Variants in RAB37 observed in about 807,000 individuals in gnomAD.
RAB37 encodes RAB37, member RAS oncogene family, also known as ras-related protein Rab-37.
In RAB37, 29 loss-of-function variants were observed where a neutral mutation model predicts 33.1. That is an observed-to-expected ratio of 0.88 (90% confidence interval 0.65 to 1.20). The LOEUF is 1.20. Among genes scored for constraint, RAB37 ranks in the 50% most tolerant of loss-of-function variants. The pLI, the probability that RAB37 is intolerant of heterozygous loss-of-function variation, is 0.00. For synonymous variants in RAB37, 128 were observed against 119.5 expected (o/e 1.07, Z -0.47); for missense variants, 299 against 301.1 (o/e 0.99, Z 0.05).
chr17:74,734,864 A>G (rs2034442549), upstream of RAB37, among the ~76,000 whole-genome samples: 2 of 151,296 alleles, frequency 1.3e-5, no homozygotes, highest in African/African-American at 2.4e-5. Flanking sequence ...AAAAAGAAAG[A>G]AAGAAAGAGA....
At chr17:74,682,334 C>G (rs916079920) in intron 1 of RAB37, among the ~76,000 whole-genome samples, 2 of 152,120 alleles carry the variant, frequency 1.3e-5, no homozygotes, top group Admixed American at 1.3e-4. Context: ...CTGTCTCTCT[C>G]TCTCTCTCAT....
At chr17:74,741,260 G>C (rs947051973) in intron 2 of RAB37, among the ~76,000 whole-genome samples, 20 of 152,102 alleles carry the variant, frequency 1.3e-4, no homozygotes. Flanking sequence ...TCTTTCTGGA[G>C]TTCCCAGAAA....
At chr17:74,743,882 T>C (rs1280457191) in intron 5 of RAB37, among the ~76,000 whole-genome samples, 1 of 152,176 alleles carries the variant, frequency 6.6e-6, no homozygotes, top group Non-Finnish European at 1.5e-5. Context: ...AACGTTTATA[T>C]AGAAAGAGGA....
intron 1 of RAB37, among the ~76,000 whole-genome samples, chr17:74,705,683 C>T (rs545805711): frequency 6.6e-6 from 1 of 152,226 alleles, no homozygotes; most frequent in Non-Finnish European, 1.5e-5. Context: ...AAGCCTTCAC[C>T]TCCCAGGCTT....
intron 2 of RAB37, among the ~76,000 whole-genome samples, chr17:74,731,144 C>A (rs1055390056): frequency 6.6e-6 from 1 of 152,238 alleles, no homozygotes; most frequent in Non-Finnish European, 1.5e-5. Context: ...ACATCGGGGT[C>A]TCCTCCAGAT....
chr17:74,745,488 G>A lies in RAB37; in HGVS notation c.*77G>A. ...CCCTCCCAGGCCTGGCTTATTCCAA[G>A]AGGCTGAGCCAATGGGGAGAAAGAT... On this transcript the variant is annotated 3_prime_UTR_variant, in exon 9 of 9. Coordinates refer to ENST00000392613, the MANE Select transcript of RAB37 (RefSeq NM_001006638.3). The surrounding 1 kb of genome is among the most constrained non-coding windows in gnomAD (Gnocchi z 4.5). 3.3e-6 allele frequency: 4 copies of A among 1,222,902 alleles called. No homozygotes were observed. Among genetic ancestry groups the A allele is most frequent in the Middle Eastern group, 1.9e-4 (1 of 5,238 alleles). 75.8% of individuals were successfully genotyped at this position (1,222,902 alleles called of 1,614,324 possible).
Position 74,743,204 on chromosome 17 carries a change from C to G in RAB37, c.313+9C>G. The stretch of plus-strand genomic sequence containing the variant: ...TTACAGAGATGCTCAGGGTGAGTCC[C>G]TCGCACCCTCCAACCCCTACCCCAG... On this transcript the variant is annotated intron_variant, in intron 4 of 8. Coordinates refer to ENST00000392613, the MANE Select transcript of RAB37 (RefSeq NM_001006638.3). 2.5e-6 allele frequency: 4 copies of G among 1,613,744 alleles called. No individual in the cohort carries two copies. The highest frequency in any genetic ancestry group is 2.5e-6 in the Non-Finnish European group (3 of 1,179,740).
intron 1 of RAB37, among the ~76,000 whole-genome samples, chr17:74,724,640 T>C (rs1307796742): frequency 6.6e-6 from 1 of 152,080 alleles, no homozygotes; most frequent in Non-Finnish European, 1.5e-5. Flanking sequence ...TTCTTACAGG[T>C]TTGGGGATAG....
chr17:74,684,956 A>G (rs1378020908), intron 1 of RAB37, among the ~76,000 whole-genome samples: 1 of 152,204 alleles, frequency 6.6e-6, no homozygotes, highest in African/African-American at 2.4e-5. Flanking sequence ...TTTAATCACT[A>G]CATAGAATTC....
chr17:74,713,173 C>G (rs1487783731), intron 1 of RAB37, among the ~76,000 whole-genome samples: 1 of 151,908 alleles, frequency 6.6e-6, no homozygotes, highest in African/African-American at 2.4e-5. Context: ...GGCGTGGTGG[C>G]GCACACCTGT....
chr17:74,722,565 A>G (rs2034256490), intron 1 of RAB37, among the ~76,000 whole-genome samples: 1 of 152,358 alleles, frequency 6.6e-6, no homozygotes, highest in African/African-American at 2.4e-5. Context: ...CCTTCACAGC[A>G]ACATCTAGAT....
rs989643556 is a variant in RAB37, at chr17:74,676,823, T to C, written c.72+5165T>C. The stretch of plus-strand genomic sequence containing the variant: ...AAGAAAAGGTCATGTCTGACTGAAT[T>C]TGAAATGTCCTCTCTCACTTATGGC... On this transcript the variant is annotated intron_variant, in intron 1 of 7. Transcript: ENST00000340415. This position sits in a 1 kb window ranked among gnomAD's most constrained non-coding sequence, Gnocchi z 4.1. Among the ~76,000 whole-genome samples, 4 of 152,100 alleles carry C rather than the reference T, an allele frequency of 2.6e-5. No homozygotes were observed. The highest frequency in any genetic ancestry group is 9.7e-5 in the African/African-American group (4 of 41,416).
rs1390733589 is a variant in RAB37, at chr17:74,676,886, C to T, written c.72+5228C>T. 6.6e-6 allele frequency among the ~76,000 whole-genome samples: 1 copy of T among 152,180 alleles called. No homozygotes were observed. The highest frequency in any genetic ancestry group is 6.5e-5 in the Admixed American group (1 of 15,278). On this transcript the variant is annotated intron_variant, in intron 1 of 7. Coordinates refer to the RAB37 transcript ENST00000340415. The surrounding 1 kb of genome is among the most constrained non-coding windows in gnomAD (Gnocchi z 4.1). ...TTAACCTCCAGGCTTGGCACGGTGG[C>T]TCACACCTGTAATCCCAGCACTTTG... is the stretch of plus-strand genomic sequence containing the variant.
rs569794763 is a variant in RAB37 at position 74,680,584 on chromosome 17, A to G, written c.72+8926A>G. ...ACTATAGGCACAGCCTCAATCTACGACCCCACTGGCCCCTTCTACCCTTAG... is the reference window on the plus strand; with the variant it reads ...ACTATAGGCACAGCCTCAATCTACGGCCCCACTGGCCCCTTCTACCCTTAG... On this transcript the variant is annotated intron_variant, in intron 1 of 7. Transcript: ENST00000340415. 1.9e-4 allele frequency among the ~76,000 whole-genome samples: 29 copies of G among 151,574 alleles called. No homozygotes were observed. In the East Asian group the frequency reaches 5.6e-3, roughly 29 times the overall value.
At chr17:74,674,831 T>G (rs2031788525) in intron 1 of RAB37, among the ~76,000 whole-genome samples, 1 of 152,072 alleles carries the variant, frequency 6.6e-6, no homozygotes, top group African/African-American at 2.4e-5. Context: ...CCTCCCACAT[T>G]CCACTTGCCA....
Position 74,745,591 on chromosome 17 carries a change from A to G in RAB37, c.*180A>G. ...ACTTGAGTTCCTGCGGTCTCCCCGC[A>G]TCCACAGGGAGGGTAAAACACTTAG... On this transcript the variant is annotated 3_prime_UTR_variant, in exon 9 of 9. Transcript: ENST00000392613. This position sits in a 1 kb window ranked among gnomAD's most constrained non-coding sequence, Gnocchi z 4.5. The G allele has an allele frequency of 3.4e-6, 2 of 595,370 alleles. No individual in the cohort carries two copies. Among genetic ancestry groups the G allele is most frequent in the South Asian group, 4.2e-5 (2 of 47,588 alleles). 36.9% of individuals were successfully genotyped at this position (595,370 alleles called of 1,614,324 possible). A position where few individuals can be genotyped will look rare whatever the true frequency, so the allele number is the denominator to read the frequency against.
rs34832046 is a variant in RAB37, at chr17:74,688,552, C to CAAA, written c.72+16906_72+16908dup. 5.7e-3 allele frequency among the ~76,000 whole-genome samples: 645 copies of CAAA among 113,162 alleles called. 4 individuals are homozygous for CAAA. Among genetic ancestry groups the CAAA allele is most frequent in the Non-Finnish European group, 6.7e-3 (409 of 60,642 alleles). The allele number at this position is 113,162 out of a possible 152,430, so 74.2% of individuals were successfully genotyped here. A position where few individuals can be genotyped will look rare whatever the true frequency, so the allele number is the denominator to read the frequency against. On this transcript the variant is annotated intron_variant, in intron 1 of 7. Transcript: ENST00000340415. ...TGGGTGACAGAGAAAGACTGCACCT[C>CAAA]AAAAAAAAAAAAAAGAAAAGAAAAG... is the stretch of plus-strand genomic sequence containing the variant.
At chr17:74,714,396 A>AACACAC (rs3046673) in intron 1 of RAB37, among the ~76,000 whole-genome samples, 5,656 of 137,906 alleles carry the variant, frequency 0.041, 263 homozygotes, top group African/African-American at 0.092. Flanking sequence ...TGTCTCTTTA[A>AACACAC]ACACACACAC....
intron 1 of RAB37, among the ~76,000 whole-genome samples, chr17:74,723,575 CTTTTTTTTT>C (rs35936012): frequency 7.5e-6 from 1 of 133,184 alleles, no homozygotes; most frequent in Admixed American, 7.7e-5. Context: ...AATTAACTAA[CTTTTTTTTT>C]TTTTTTTTTT....
Sources: gnomAD v4.1 joint callset for allele counts (sites outside exome capture counted in the v4.1 genomes callset) on GRCh38, gnomAD v4.1.1 for gene constraint, Gnocchi (gnomAD v3.1) non-coding constraint, MANE v1.5 for transcripts, NCBI Gene and HGNC (gene_info 2026-07-23, HGNC 2026-07-21) for gene names.